Variants in WWOX observed in about 807,000 individuals in gnomAD.
WWOX encodes WW domain containing oxidoreductase, also known as WW domain-containing oxidoreductase.
WWOX carries 69 observed loss-of-function variants against 46.2 expected under a neutral mutation model. That is an observed-to-expected ratio of 1.49 (90% confidence interval 1.23 to 1.82). WWOX has a LOEUF of 1.82. Among genes scored for constraint, WWOX ranks in the 40% most tolerant of loss-of-function variants. The probability of loss-of-function intolerance (pLI) is 0.00; values close to 1 mark genes in which losing one functional copy is unlikely to be tolerated. For synonymous variants in WWOX, 359 were observed against 202.6 expected, an observed-to-expected ratio of 1.77 and a Z score of -6.56; for missense variants, 919 against 542.6, an observed-to-expected ratio of 1.69 and a Z score of -6.89.
intron 6 of WWOX, among the ~76,000 whole-genome samples, chr16:78,402,646 T>G (rs537047168): frequency 6.6e-6 from 1 of 152,300 alleles, no homozygotes; most frequent in South Asian, 2.1e-4. Flanking sequence ...GCATTTTTCC[T>G]GGGGAGAAAC....
chr16:78,473,812 C>T (rs1485382120), intron 8 of WWOX, among the ~76,000 whole-genome samples: 2 of 152,108 alleles, frequency 1.3e-5, no homozygotes, highest in African/African-American at 2.4e-5. Context: ...ACAAGAGTCA[C>T]CTCTAAGATG....
At chr16:78,885,839 C>G (rs1013310452) in intron 8 of WWOX, among the ~76,000 whole-genome samples, 31 of 152,004 alleles carry the variant, frequency 2.0e-4, no homozygotes, top group South Asian at 1.9e-3. Context: ...GCTGGCTTAC[C>G]TGCTGTATAA....
intron 8 of WWOX, among the ~76,000 whole-genome samples, chr16:78,529,697 G>C (rs2043572473): frequency 6.6e-6 from 1 of 151,900 alleles, no homozygotes; most frequent in Non-Finnish European, 1.5e-5. Flanking sequence ...TCGATCTCCT[G>C]ACCTCGTGAT....
At chr16:78,486,772 C>G (rs1597152544) in intron 8 of WWOX, among the ~76,000 whole-genome samples, 1 of 152,166 alleles carries the variant, frequency 6.6e-6, no homozygotes, top group African/African-American at 2.4e-5. Flanking sequence ...TAAGGGTTTA[C>G]TGTCTTGGCC....
At chr16:79,074,209 TG>T (rs1410559815) in intron 8 of WWOX, among the ~76,000 whole-genome samples, 3 of 151,504 alleles carry the variant, frequency 2.0e-5, no homozygotes, top group African/African-American at 7.3e-5. Context: ...AGCAAATATG[TG>T]GAAGGAACCT....
chr16:78,858,123 C>G (rs1405416105), intron 8 of WWOX, among the ~76,000 whole-genome samples: 1 of 144,744 alleles, frequency 6.9e-6, no homozygotes, highest in Non-Finnish European at 1.5e-5. Flanking sequence ...AAAGATACCT[C>G]TATATACATA....
At chr16:78,735,087 GA>G (rs2142396647) in intron 8 of WWOX, among the ~76,000 whole-genome samples, 1 of 151,350 alleles carries the variant, frequency 6.6e-6, no homozygotes, top group African/African-American at 2.4e-5. Context: ...GGCTGGTCTC[GA>G]ACTCCTGACC....
intron 8 of WWOX, among the ~76,000 whole-genome samples, chr16:79,144,203 G>A (rs1484051464): frequency 6.6e-6 from 1 of 152,156 alleles, no homozygotes; most frequent in African/African-American, 2.4e-5. Context: ...CACAGCCAAG[G>A]TCAGCTTTTT....
intron 8 of WWOX, among the ~76,000 whole-genome samples, chr16:79,041,613 T>G (rs2047973026): frequency 2.0e-5 from 3 of 152,038 alleles, no homozygotes; most frequent in Non-Finnish European, 2.9e-5. Flanking sequence ...GGATCAGAAT[T>G]CCAAGTGACT....
intron 3 of WWOX, among the ~76,000 whole-genome samples, chr16:78,113,889 G>T (rs1232924621): frequency 6.6e-6 from 1 of 151,898 alleles, no homozygotes; most frequent in Admixed American, 6.6e-5. Flanking sequence ...CTTGAGTCTT[G>T]GTACTTATAG....
chr16:78,829,096 A>ATGGG (rs1190573965), intron 8 of WWOX, among the ~76,000 whole-genome samples: 1 of 151,116 alleles, frequency 6.6e-6, no homozygotes, highest in Admixed American at 6.6e-5. Flanking sequence ...AGATGGATGG[A>ATGGG]TGGATGGATG....
intron 8 of WWOX, among the ~76,000 whole-genome samples, chr16:78,935,515 C>G (rs928566894): frequency 2.0e-5 from 3 of 151,170 alleles, no homozygotes; most frequent in Middle Eastern, 6.8e-3. Flanking sequence ...ACAAAAAAAC[C>G]AAACACTGCA....
At chr16:78,153,643 C>T (rs1261514923) in intron 4 of WWOX, among the ~76,000 whole-genome samples, 1 of 152,064 alleles carries the variant, frequency 6.6e-6, no homozygotes, top group Non-Finnish European at 1.5e-5. Context: ...ATCTCTGTGG[C>T]CTTTTAATTG....
chr16:78,590,506 T>A (rs2151601667), intron 8 of WWOX, among the ~76,000 whole-genome samples: 1 of 152,278 alleles, frequency 6.6e-6, no homozygotes, highest in Non-Finnish European at 1.5e-5. Flanking sequence ...AGGGAAAGGT[T>A]TTTAGGGAGC....
At chr16:78,528,103 A>T (rs1382560932) in intron 8 of WWOX, among the ~76,000 whole-genome samples, 1 of 133,684 alleles carries the variant, frequency 7.5e-6, no homozygotes, top group Non-Finnish European at 1.5e-5. Flanking sequence ...GGTTCGTGCC[A>T]TTCTCCTGCC....
rs115129582 is a variant in WWOX, at chr16:78,106,794, C to T, written c.108-1629C>T. On this transcript the variant is annotated intron_variant, in intron 1 of 8. Coordinates refer to ENST00000566780, the MANE Select transcript of WWOX (RefSeq NM_016373.4). ...AGGAGTTTGTCCTTGCTACTGATAC[C>T]GTAGCTGGTACAAGGTTTTAATCGT... Among the ~76,000 whole-genome samples, 1,319 of 152,206 alleles carry T rather than the reference C, an allele frequency of 8.7e-3. 29 individuals are homozygous for T. The highest frequency in any genetic ancestry group is 0.03 in the African/African-American group (1,261 of 41,526).
intron 8 of WWOX, among the ~76,000 whole-genome samples, chr16:78,452,106 T>C (rs775935443): frequency 2.0e-5 from 3 of 152,200 alleles, no homozygotes; most frequent in Non-Finnish European, 2.9e-5. Context: ...AAATTTGAAT[T>C]AATAAAATGA....
intron 8 of WWOX, among the ~76,000 whole-genome samples, chr16:78,688,798 C>T (rs1451971332): frequency 1.3e-5 from 2 of 152,104 alleles, no homozygotes; most frequent in African/African-American, 4.8e-5. Flanking sequence ...CTCATAATCC[C>T]CACGTGTCAT....
At chr16:78,785,344 C>T (rs888387981) in intron 8 of WWOX, among the ~76,000 whole-genome samples, 13 of 152,142 alleles carry the variant, frequency 8.5e-5, no homozygotes, top group African/African-American at 2.7e-4. Flanking sequence ...GTTTCTTGGG[C>T]AGCAGCAGCT....
Sources: gnomAD v4.1 joint callset for allele counts (sites outside exome capture counted in the v4.1 genomes callset) on GRCh38, gnomAD v4.1.1 for gene constraint, MANE v1.5 for transcripts, NCBI Gene and HGNC (gene_info 2026-07-23, HGNC 2026-07-21) for gene names.